Variants in CCNE1 observed in about 807,000 individuals in gnomAD.
The protein encoded by CCNE1 is cyclin E1.
Under a neutral mutation model 54.1 loss-of-function variants are expected in CCNE1, and 8 were observed. The observed-to-expected ratio is 0.15, with a 90% CI of 0.09 to 0.27. CCNE1 has a LOEUF of 0.27. Ranked by LOEUF, CCNE1 falls within the 10% of genes least tolerant of loss-of-function variation. CCNE1 has a pLI of 1.00. For synonymous variants in CCNE1, 179 were observed against 185.2 expected (o/e 0.97, Z 0.27); for missense variants, 430 against 514.9 (o/e 0.84, Z 1.60).
chr19:29,817,857 C>CTTTTTTT (rs34598025), intron 6 of CCNE1, among the ~76,000 whole-genome samples: 53 of 95,906 alleles, frequency 5.5e-4, no homozygotes, highest in East Asian at 1.2e-3. Context: ...CATTAAATTG[C>CTTTTTTT]TTTTTTTTTT....
intron 4 of CCNE1, among the ~76,000 whole-genome samples, chr19:29,814,887 ATCTT>A (rs1973976121): frequency 6.6e-6 from 1 of 152,234 alleles, no homozygotes; most frequent in South Asian, 2.1e-4. Context: ...ACAAGACTCA[ATCTT>A]TCTATTGAAG....
chr19:29,820,340 C>A, intron 6 of CCNE1, among the ~76,000 whole-genome samples: 1 of 152,058 alleles, frequency 6.6e-6, no homozygotes, highest in Non-Finnish European at 1.5e-5. Flanking sequence ...CACTTGAGGC[C>A]GGGAGTTCAA....
chr19:29,821,859 C>T (rs757510673), intron 8 of CCNE1, 42 bp downstream of exon 8: 39 of 1,521,092 alleles, frequency 2.6e-5, no homozygotes, highest in Admixed American at 2.0e-4. Flanking sequence ...TAAATGCGTA[C>T]GGCAGATCTT....
intron 3 of CCNE1, 59 bp from the exon 4 acceptor site, chr19:29,812,910 C>T: frequency 6.2e-7 from 1 of 1,605,802 alleles, no homozygotes; most frequent in Non-Finnish European, 8.5e-7. Flanking sequence ...CTCTTCTTCT[C>T]TCTGTTTTTG....
In CCNE1 at chr19:29,813,271, G is replaced by A. The variant is rs1973937714; in HGVS notation, c.180+234G>A. The A allele has an allele frequency of 7.1e-6, 4 of 561,410 alleles. No individual in the cohort carries two copies. The South Asian group carries it at 8.4e-5, about 12-fold the overall frequency. The allele number at this position is 561,410 out of a possible 1,614,324, so 34.8% of individuals were successfully genotyped here. A position where few individuals can be genotyped will look rare whatever the true frequency, so the allele number is the denominator to read the frequency against. ...TGGCACCGTCTGAGATTACAGATAT[G>A]TGCCTAGCCTGGAAGAACCAGAATG... On this transcript the variant is annotated intron_variant, in intron 4 of 11. Coordinates refer to ENST00000262643, the MANE Select transcript of CCNE1 (RefSeq NM_001238.4).
chr19:29,818,666 A>G (rs984975607), intron 6 of CCNE1, among the ~76,000 whole-genome samples: 1 of 151,904 alleles, frequency 6.6e-6, no homozygotes, highest in African/African-American at 2.4e-5. Flanking sequence ...ACAGTGGCTC[A>G]TGTCTGTAAT....
intron 4 of CCNE1, among the ~76,000 whole-genome samples, 165 bp from the exon 5 acceptor site, chr19:29,816,972 A>G (rs977182273): frequency 2.6e-5 from 4 of 152,074 alleles, no homozygotes; most frequent in East Asian, 1.9e-4. Context: ...CATTAAAAAA[A>G]TCTTTGAGTT....
chr19:29,812,962 A>G lies in CCNE1; in HGVS notation c.112-7A>G. On this transcript the variant is annotated splice_region_variant and splice_polypyrimidine_tract_variant and intron_variant, in intron 3 of 11. Coordinates refer to ENST00000262643, the MANE Select transcript of CCNE1 (RefSeq NM_001238.4). Reference sequence around the variant, plus strand: ...TCCTTGGGGTCATGGGGGTGGCTTCATGTTAGTTTTTGCAGGATCCAGATG... The same window carrying G: ...TCCTTGGGGTCATGGGGGTGGCTTCGTGTTAGTTTTTGCAGGATCCAGATG... 6.2e-7 allele frequency: 1 copy of G among 1,613,896 alleles called. No individual in the cohort carries two copies. The highest frequency in any genetic ancestry group is 8.5e-7 in the Non-Finnish European group (1 of 1,179,940).
chr19:29,812,676 C>T lies in CCNE1; in HGVS notation c.24-13C>T. ...CGGGTGCTCACCCGGCCCGGTGCCA[C>T]CCGGGTCCACAGGGATGCGAAGGAG... On this transcript the variant is annotated splice_polypyrimidine_tract_variant and intron_variant, in intron 2 of 11. Coordinates refer to ENST00000262643, the MANE Select transcript of CCNE1 (RefSeq NM_001238.4). 6.3e-7 allele frequency: 1 copy of T among 1,578,632 alleles called. No individual in the cohort carries two copies. The highest frequency in any genetic ancestry group is 8.6e-7 in the Non-Finnish European group (1 of 1,164,158).
chr19:29,817,513 G>T lies in CCNE1; in HGVS notation c.434G>T (p.Arg145Leu). 1 of 1,614,166 alleles carries T rather than the reference G, an allele frequency of 6.2e-7. No individual in the cohort carries two copies. The highest frequency in any genetic ancestry group is 1.1e-5 in the South Asian group (1 of 91,088). The change falls in exon 6 of 12, where the codon CGA becomes CTA. Residue 145 changes from arginine to leucine, a missense_variant. Physicochemically the swap from Arg to Leu is moderately radical, Grantham distance 102 (BLOSUM62 -2). Coordinates refer to ENST00000262643, the MANE Select transcript of CCNE1 (RefSeq NM_001238.4). ...EQHPLLQPKM[R>L]AILLDWLMEV... ...CACCCTCTTCTGCAGCCAAAAATGC[G>T]AGCAATTCTTCTGGATTGGTTAATG...
intron 4 of CCNE1, among the ~76,000 whole-genome samples, chr19:29,816,883 G>A (rs1485589719): frequency 1.6e-5 from 2 of 125,590 alleles, no homozygotes; most frequent in Non-Finnish European, 3.1e-5. Flanking sequence ...TTATACTAAT[G>A]AATGTGAAGT....
chr19:29,813,175 C>G, intron 4 of CCNE1, 138 bp downstream of exon 4: 1 of 722,490 alleles, frequency 1.4e-6, no homozygotes, highest in Middle Eastern at 3.9e-4. Context: ...CCATATGGCC[C>G]AGCACTGTAC....
intron 3 of CCNE1, 25 bp downstream of exon 3, chr19:29,812,801 G>A: frequency 6.5e-7 from 1 of 1,527,974 alleles, no homozygotes. Context: ...GACAGGTTGG[G>A]GAGCATCCCC....
At chr19:29,820,907 A>T (rs1305212659) in intron 7 of CCNE1, 59 bp downstream of exon 7, 1 of 1,368,306 alleles carries the variant, frequency 7.3e-7, no homozygotes, top group Middle Eastern at 2.5e-4. Flanking sequence ...CTCCACTGAG[A>T]TTGGGGGAAG....
rs757684234 is a variant in CCNE1 at position 29,822,570 on chromosome 19, C to T, written c.1077C>T (p.Asn359=). Reference sequence around the variant, plus strand: ...GCGTCGCTGATGAAGATGCACACAACATACAGACCCACAGAGACAGCTTGG... The same window carrying T: ...GCGTCGCTGATGAAGATGCACACAATATACAGACCCACAGAGACAGCTTGG... ...FRGVADEDAH[N]IQTHRDSLDL... is the part of the protein sequence containing the mutation. The change falls in exon 11 of 12, where the codon AAC becomes AAT. Residue 359 remains asparagine, a synonymous_variant. Coordinates refer to ENST00000262643, the MANE Select transcript of CCNE1 (RefSeq NM_001238.4). The T allele has an allele frequency of 6.2e-7, 1 of 1,613,830 alleles. No homozygotes were observed. The highest frequency in any genetic ancestry group is 1.3e-5 in the African/African-American group (1 of 75,020).
Position 29,820,557 on chromosome 19 carries a change from A to AAC in CCNE1, c.463-145_463-144insAC, listed in dbSNP as rs1428686858. On this transcript the variant is annotated intron_variant, in intron 6 of 11. Coordinates refer to ENST00000262643, the MANE Select transcript of CCNE1 (RefSeq NM_001238.4). The stretch of plus-strand genomic sequence containing the variant: ...CAGAATAAGGCACCTCAAAAAAAAA[A>AAC]CAAAAAAACAAAAAACTATCAATTG... The AAC allele has an allele frequency of 1.3e-5, 8 of 638,686 alleles. No homozygotes were observed. In the African/African-American group the frequency reaches 1.5e-4, roughly 12 times the overall value. The allele number at this position is 638,686 out of a possible 1,614,324, so 39.6% of individuals were successfully genotyped here. A position where few individuals can be genotyped will look rare whatever the true frequency, so the allele number is the denominator to read the frequency against.
At chr19:29,817,108 C>T (rs2145721437) in intron 4 of CCNE1, 29 bp from the exon 5 acceptor site, 1 of 1,608,816 alleles carries the variant, frequency 6.2e-7, no homozygotes, top group East Asian at 2.2e-5. Context: ...CATCTTATCT[C>T]ACCTCTCCTG....
intron 4 of CCNE1, among the ~76,000 whole-genome samples, chr19:29,814,456 A>T (rs1322599175): frequency 6.6e-6 from 1 of 151,986 alleles, no homozygotes; most frequent in Non-Finnish European, 1.5e-5. Flanking sequence ...CAGTGTGGAT[A>T]GCTGTGCTGC....
chr19:29,821,856 G>A lies in CCNE1; in HGVS notation c.705+39G>A, dbSNP rs781103374. Reference sequence around the variant, plus strand: ...AATTTTCCGGCCATTTTTTAAATGCGTACGGCAGATCTTTTCCACCTGAAG... The same window carrying A: ...AATTTTCCGGCCATTTTTTAAATGCATACGGCAGATCTTTTCCACCTGAAG... On this transcript the variant is annotated intron_variant, in intron 8 of 11. Coordinates refer to ENST00000262643, the MANE Select transcript of CCNE1 (RefSeq NM_001238.4). 1.8e-5 allele frequency: 28 copies of A among 1,526,910 alleles called. No homozygotes were observed. In the East Asian group the frequency reaches 5.2e-4, roughly 28 times the overall value. The allele number at this position is 1,526,910 out of a possible 1,614,324, so 94.6% of individuals were successfully genotyped here.
Sources: gnomAD v4.1 joint callset for allele counts (sites outside exome capture counted in the v4.1 genomes callset) on GRCh38, gnomAD v4.1.1 for gene constraint, MANE v1.5 for transcripts, NCBI Gene and HGNC (gene_info 2026-07-23, HGNC 2026-07-21) for gene names.